Variants in GRIA4 observed in about 807,000 individuals in gnomAD.
GRIA4 encodes the protein glutamate receptor 4.
GRIA4 carries 34 observed loss-of-function variants against 104.0 expected under a neutral mutation model. The ratio of observed to expected loss-of-function variants is 0.33; its 90% CI spans 0.25 to 0.44. The LOEUF (loss-of-function observed/expected upper bound fraction) is 0.44, where lower values mean the gene tolerates loss of function less well. Ranked by LOEUF, GRIA4 falls within the 20% of genes least tolerant of loss-of-function variation. The probability of loss-of-function intolerance (pLI) is 1.00; values close to 1 mark genes in which losing one functional copy is unlikely to be tolerated. For synonymous variants in GRIA4, 386 were observed against 381.9 expected, an observed-to-expected ratio of 1.01 and a Z score of -0.13; for missense variants, 750 against 1,096.5, an observed-to-expected ratio of 0.68 and a Z score of 4.46.
At chr11:105,753,569 G>C (rs1392789860) in intron 4 of GRIA4, among the ~76,000 whole-genome samples, 1 of 152,112 alleles carries the variant, frequency 6.6e-6, no homozygotes, top group East Asian at 1.9e-4. Context: ...ATTCCCATAT[G>C]CCAGCTAAGC....
chr11:105,874,072 C>A (rs1415907916), intron 5 of GRIA4, among the ~76,000 whole-genome samples: 1 of 152,130 alleles, frequency 6.6e-6, no homozygotes, highest in Non-Finnish European at 1.5e-5. Context: ...AGTCTTTAAT[C>A]CATCTTGAGT....
intron 6 of GRIA4, among the ~76,000 whole-genome samples, chr11:105,890,049 A>C (rs1946404290): frequency 6.6e-6 from 1 of 152,188 alleles, no homozygotes; most frequent in Non-Finnish European, 1.5e-5. Context: ...AATATTCCAG[A>C]ATATTTAAAA....
chr11:105,853,633 T>C (rs962048283), intron 4 of GRIA4, among the ~76,000 whole-genome samples: 1 of 152,222 alleles, frequency 6.6e-6, no homozygotes, highest in African/African-American at 2.4e-5. Context: ...TATTTGACTA[T>C]TTTTGATCAG....
At chr11:105,806,748 G>T (rs1942968918) in intron 4 of GRIA4, among the ~76,000 whole-genome samples, 1 of 151,328 alleles carries the variant, frequency 6.6e-6, no homozygotes, top group Non-Finnish European at 1.5e-5. Context: ...CAAGAAAAGT[G>T]CCCCAAAAAA....
In GRIA4 at chr11:105,714,387, A is replaced by T. The variant is rs565470431; in HGVS notation, c.248-38594A>T. Among the ~76,000 whole-genome samples the T allele has an allele frequency of 2.0e-5, 3 of 152,244 alleles. No individual in the cohort carries two copies. In the East Asian group the frequency reaches 5.8e-4, roughly 29 times the overall value. The stretch of plus-strand genomic sequence containing the variant: ...TTTCTTAATATTTTAACAATCTGAT[A>T]TCACTTTGAGATAATTTGGTTGAAT... On this transcript the variant is annotated intron_variant, in intron 3 of 16. Transcript: ENST00000282499.
At chr11:105,956,343 G>C (rs936547673) in intron 14 of GRIA4, among the ~76,000 whole-genome samples, 1 of 152,082 alleles carries the variant, frequency 6.6e-6, no homozygotes, top group African/African-American at 2.4e-5. Context: ...CCACCTATGA[G>C]TGAGAACATG....
chr11:105,723,687 A>T (rs1237888301), intron 3 of GRIA4, among the ~76,000 whole-genome samples: 3 of 152,108 alleles, frequency 2.0e-5, no homozygotes, highest in Non-Finnish European at 4.4e-5. Flanking sequence ...GCTCGCTTCA[A>T]CTTCCTAATA....
intron 6 of GRIA4, among the ~76,000 whole-genome samples, chr11:105,892,608 T>G (rs558655670): frequency 7.2e-5 from 11 of 152,108 alleles, no homozygotes; most frequent in Non-Finnish European, 1.2e-4. Flanking sequence ...TTCCCAAAAT[T>G]TGCAGTCTAG....
intron 4 of GRIA4, among the ~76,000 whole-genome samples, chr11:105,761,107 T>C (rs1247217287): frequency 6.6e-6 from 1 of 152,174 alleles, no homozygotes; most frequent in Non-Finnish European, 1.5e-5. Flanking sequence ...GTCAATTTCT[T>C]ACTCTAATTC....
chr11:105,733,445 T>C (rs977220062), intron 3 of GRIA4, among the ~76,000 whole-genome samples: 3 of 152,088 alleles, frequency 2.0e-5, no homozygotes, highest in Admixed American at 1.3e-4. Context: ...TTGGTTTCCA[T>C]AGACGTCTAT....
intron 3 of GRIA4, among the ~76,000 whole-genome samples, chr11:105,690,047 C>G (rs1953028925): frequency 6.6e-6 from 1 of 152,184 alleles, no homozygotes; most frequent in South Asian, 2.1e-4. Flanking sequence ...TTCTGCTGGT[C>G]CTGGCAGGAT....
At chr11:105,898,493 T>C (rs747092930) in intron 7 of GRIA4, 66 bp downstream of exon 7, 18 of 999,382 alleles carry the variant, frequency 1.8e-5, no homozygotes, top group South Asian at 6.1e-5. Context: ...AAGTTTATTA[T>C]ACAGTTTTTC....
intron 10 of GRIA4, chr11:105,911,783 T>TATATATATAC (rs1947248551): frequency 6.4e-6 from 1 of 155,226 alleles, no homozygotes; most frequent in Admixed American, 8.3e-5. Context: ...GCAATATATA[T>TATATATATAC]ATATATATAT....
intron 13 of GRIA4, among the ~76,000 whole-genome samples, chr11:105,930,564 G>C (rs551160477): frequency 4.0e-5 from 6 of 150,202 alleles, no homozygotes; most frequent in African/African-American, 1.5e-4. Context: ...TATAGAAATG[G>C]ACTATTAAAA....
intron 4 of GRIA4, among the ~76,000 whole-genome samples, chr11:105,846,731 G>A (rs1215021882): frequency 6.6e-6 from 1 of 152,148 alleles, no homozygotes; most frequent in Non-Finnish European, 1.5e-5. Context: ...AACTCTCCAA[G>A]AAGGATCATC....
chr11:105,876,726 A>G (rs1350625574), intron 5 of GRIA4, among the ~76,000 whole-genome samples: 1 of 152,154 alleles, frequency 6.6e-6, no homozygotes, highest in East Asian at 1.9e-4. Flanking sequence ...ATCAGAGACT[A>G]GGATTGCAAC....
intron 6 of GRIA4, among the ~76,000 whole-genome samples, chr11:105,895,237 A>G (rs547041404): frequency 2.2e-5 from 3 of 134,488 alleles, no homozygotes; most frequent in South Asian, 5.0e-4. Context: ...CAATTACAAA[A>G]GCTACGAGCT....
chr11:105,930,686 A>G (rs1947846974), intron 13 of GRIA4, among the ~76,000 whole-genome samples: 1 of 152,036 alleles, frequency 6.6e-6, no homozygotes, highest in African/African-American at 2.4e-5. Flanking sequence ...CACTTTTTCC[A>G]TTTTGCTGTG....
At chr11:105,914,939 A>G (rs1165865916) in intron 10 of GRIA4, among the ~76,000 whole-genome samples, 2 of 152,136 alleles carry the variant, frequency 1.3e-5, no homozygotes, top group Non-Finnish European at 2.9e-5. Flanking sequence ...CTTCCCCCAT[A>G]GTAGCCCCCT....
Sources: gnomAD v4.1 joint callset for allele counts (sites outside exome capture counted in the v4.1 genomes callset) on GRCh38, gnomAD v4.1.1 for gene constraint, MANE v1.5 for transcripts, NCBI Gene and HGNC (gene_info 2026-07-23, HGNC 2026-07-21) for gene names.